Variants in PCDHA7 observed in about 807,000 individuals in gnomAD.
The protein encoded by PCDHA7 is protocadherin alpha-7.
A neutral mutation model predicts 57.2 loss-of-function variants in PCDHA7; 37 were observed. The observed-to-expected ratio is 0.65, with a 90% CI of 0.50 to 0.85. PCDHA7 has a LOEUF of 0.85. PCDHA7 is among the 40% of genes least tolerant of loss of function. The pLI, the probability that PCDHA7 is intolerant of heterozygous loss-of-function variation, is 0.00. For synonymous variants in PCDHA7, 553 were observed against 558.8 expected, an observed-to-expected ratio of 0.99 and a Z score of 0.15; for missense variants, 1,188 against 1,241.8, an observed-to-expected ratio of 0.96 and a Z score of 0.65.
In PCDHA7 at chr5:140,877,704, C is replaced by T. The variant is rs116613760; in HGVS notation, c.2355+40966C>T. 1.6e-3 allele frequency: 2,639 copies of T among 1,613,952 alleles called. 39 individuals are homozygous for T. The African/African-American group carries it at 0.027, about 17-fold the overall frequency. On this transcript the variant is annotated intron_variant, in intron 1 of 3. Coordinates refer to ENST00000525929, the MANE Select transcript of PCDHA7 (RefSeq NM_018910.3). ...AGCCCACGCTGGTGTGCTCCAGCGC[C>T]GTGGGGAGTTGGTCTTACTCGCAGC...
chr5:140,946,031 G>A (rs1275615718), intron 1 of PCDHA7, among the ~76,000 whole-genome samples: 2 of 151,984 alleles, frequency 1.3e-5, no homozygotes, highest in African/African-American at 2.4e-5. Flanking sequence ...AAGAAAACAA[G>A]AGTGAAGGGA....
rs183321523 is a variant in PCDHA7 at position 140,948,382 on chromosome 5, A to G, written c.2356-30567A>G. Among the ~76,000 whole-genome samples the G allele has an allele frequency of 1.2e-3, 182 of 151,516 alleles. 1 individual carries two copies. Among genetic ancestry groups the G allele is most frequent in the African/African-American group, 3.9e-3 (163 of 41,496 alleles). ...TGACTTAGGAGGTGTTCCTTCCTCT[A>G]TTTTCTGAAAGGTTGTGTAATATTG... On this transcript the variant is annotated intron_variant, in intron 1 of 3. Coordinates refer to ENST00000525929, the MANE Select transcript of PCDHA7 (RefSeq NM_018910.3).
chr5:140,928,286 G>A (rs140714840), intron 1 of PCDHA7: 12 of 1,614,014 alleles, frequency 7.4e-6, no homozygotes, highest in Non-Finnish European at 9.3e-6. Flanking sequence ...GCCTCTCTAG[G>A]CCGAGTGTTT....
Position 140,835,731 on chromosome 5 carries a change from G to C in PCDHA7, c.1348G>C (p.Asp450His), listed in dbSNP as rs1554135211. 1.2e-5 allele frequency: 20 copies of C among 1,613,790 alleles called. No homozygotes were observed. The highest frequency in any genetic ancestry group is 3.3e-5 in the Admixed American group (2 of 60,006). The change falls in exon 1 of 4, where the codon GAC (aspartate) becomes CAC (histidine). Residue 450 changes from aspartate (D) to histidine (H), a missense_variant. Physicochemically the swap from Asp to His is moderately conservative, Grantham distance 81. Coordinates refer to ENST00000525929, the MANE Select transcript of PCDHA7 (RefSeq NM_018910.3). ...SVSVEVADVN[D>H]NAPAFAQPEY... The stretch of plus-strand genomic sequence containing the variant: ...GTCCGTGGAGGTGGCCGACGTGAAC[G>C]ACAACGCCCCGGCGTTCGCGCAGCC...
intron 1 of PCDHA7, among the ~76,000 whole-genome samples, chr5:140,941,202 C>CCTTTCTTCCTTTCTTTCTTTCTTT (rs1394736170): frequency 4.2e-3 from 519 of 122,694 alleles, no homozygotes; most frequent in African/African-American, 7.8e-3. Flanking sequence ...TTTCTTTCTT[C>CCTTTCTTCCTTTCTTTCTTTCTTT]CTTTCTTTCT....
intron 1 of PCDHA7, chr5:140,871,329 C>A (rs1164407502): frequency 6.2e-7 from 1 of 1,613,942 alleles, no homozygotes; most frequent in African/African-American, 1.3e-5. Flanking sequence ...TGTGCTCCCG[C>A]GCGGTGGGGA....
At position 140,836,244 on chromosome 5, in the gene PCDHA7, C is replaced by T. The variant is rs2150256239; in HGVS notation, c.1861C>T (p.Pro621Ser). The stretch of plus-strand genomic sequence containing the variant: ...ACCGGTGGCGGCCGGTGCGAGCATC[C>T]CGTTCCGCGTGGGGCTGTACACTGG... ...LQPVAAGASI[P>S]FRVGLYTGEI... is the part of the protein sequence containing the mutation. The change falls in exon 1 of 4, where the codon CCG becomes TCG. Residue 621 changes from proline (P) to serine (S), a missense_variant. Physicochemically the swap from Pro to Ser is moderately conservative, Grantham distance 74. Around this residue, in one of 3 missense-constraint regions of PCDHA7, gnomAD observed 892 missense variants for 788.5 expected, o/e 1.13. Coordinates refer to ENST00000525929, the MANE Select transcript of PCDHA7 (RefSeq NM_018910.3). 1.9e-6 allele frequency: 3 copies of T among 1,613,684 alleles called. No homozygotes were observed. The highest frequency in any genetic ancestry group is 2.2e-5 in the South Asian group (2 of 91,078).
chr5:140,988,152 C>G (rs2153871090), intron 3 of PCDHA7, among the ~76,000 whole-genome samples: 1 of 152,258 alleles, frequency 6.6e-6, no homozygotes, highest in East Asian at 1.9e-4. Flanking sequence ...ACCTCAACTT[C>G]TGCCGTTGTC....
chr5:140,883,262 G>T (rs1211665444), intron 1 of PCDHA7: 1 of 1,613,956 alleles, frequency 6.2e-7, no homozygotes. Flanking sequence ...TCCAATGGCG[G>T]GTCATTGTAC....
intron 1 of PCDHA7, chr5:140,857,098 T>G: frequency 6.3e-7 from 1 of 1,597,572 alleles, no homozygotes; most frequent in Non-Finnish European, 8.6e-7. Context: ...CTGAGGTGAT[T>G]GTCACTTCTC....
At chr5:140,864,365 AT>A (rs1190318637) in intron 1 of PCDHA7, 4 of 152,220 alleles carry the variant, frequency 2.6e-5, no homozygotes, top group Non-Finnish European at 5.9e-5. Flanking sequence ...TTATCTTTCT[AT>A]AATCGATAAG....
chr5:140,991,588 C>T (rs1252872687), intron 3 of PCDHA7, among the ~76,000 whole-genome samples: 3 of 152,212 alleles, frequency 2.0e-5, no homozygotes, highest in African/African-American at 7.2e-5. Flanking sequence ...TTATTTCTAC[C>T]TGAGCCCTCA....
At chr5:140,912,170 T>C (rs961907962) in intron 1 of PCDHA7, among the ~76,000 whole-genome samples, 6 of 152,202 alleles carry the variant, frequency 3.9e-5, no homozygotes, top group African/African-American at 9.7e-5. Flanking sequence ...CTGGCTGTGC[T>C]GGCAGCTGAT....
At chr5:140,851,455 C>T in intron 1 of PCDHA7, 1 of 898,662 alleles carries the variant, frequency 1.1e-6, no homozygotes, top group Non-Finnish European at 1.4e-6. Context: ...CTTTAGGAAT[C>T]AAATTATGTC....
intron 1 of PCDHA7, chr5:140,969,451 T>C (rs1016577934): frequency 3.3e-6 from 5 of 1,511,952 alleles, no homozygotes; most frequent in Non-Finnish European, 3.6e-6. Context: ...GTAAACTGAG[T>C]ATATATAGTA....
At chr5:140,969,459 G>A (rs1554231863) in intron 1 of PCDHA7, 1 of 1,503,404 alleles carries the variant, frequency 6.7e-7, no homozygotes, top group Non-Finnish European at 8.9e-7. Flanking sequence ...AGTATATATA[G>A]TATCCACAAT....
intron 1 of PCDHA7, chr5:140,968,796 C>G (rs2096270881): frequency 6.2e-7 from 1 of 1,614,220 alleles, no homozygotes; most frequent in East Asian, 2.2e-5. Context: ...GTGGCCATTA[C>G]AGTAGCTGTG....
At chr5:140,988,267 C>T (rs1204961254) in intron 3 of PCDHA7, among the ~76,000 whole-genome samples, 1 of 152,146 alleles carries the variant, frequency 6.6e-6, no homozygotes, top group Non-Finnish European at 1.5e-5. Flanking sequence ...GAGTATCCTT[C>T]GCTGTCACCT....
intron 1 of PCDHA7, among the ~76,000 whole-genome samples, chr5:140,906,473 A>G (rs2072671241): frequency 6.6e-6 from 1 of 152,214 alleles, no homozygotes. Flanking sequence ...TCTTAGTACA[A>G]ATGTATAAAT....
Sources: allele counts gnomAD v4.1 joint callset (sites outside exome capture counted in the v4.1 genomes callset), GRCh38; gene constraint gnomAD v4.1.1; regional missense constraint gnomAD v4.1.1; transcripts MANE v1.5; gene names NCBI Gene and HGNC (gene_info 2026-07-23, HGNC 2026-07-21).